TRIM67: variants seen among roughly 807,000 people sequenced by gnomAD.
TRIM67 encodes tripartite motif containing 67, also known as tripartite motif-containing protein 67.
A neutral mutation model predicts 71.0 loss-of-function variants in TRIM67; 39 were observed. That is an observed-to-expected ratio of 0.55 (90% confidence interval 0.43 to 0.72). The LOEUF (loss-of-function observed/expected upper bound fraction) is 0.72. Ranked by LOEUF, TRIM67 falls within the 30% of genes least tolerant of loss-of-function variation. TRIM67 has a pLI of 0.00. For synonymous variants in TRIM67, 481 were observed against 473.9 expected, an observed-to-expected ratio of 1.01 and a Z score of -0.19; for missense variants, 973 against 1,079.2, an observed-to-expected ratio of 0.90 and a Z score of 1.38.
Position 231,216,768 on chromosome 1 carries a change from T to C in TRIM67, c.*1328T>C, listed in dbSNP as rs1454365710. 5.1e-6 allele frequency: 5 copies of C among 985,344 alleles called. No individual in the cohort carries two copies. The highest frequency in any genetic ancestry group is 9.4e-5 in the South Asian group (2 of 21,292). The allele number at this position is 985,344 out of a possible 1,614,324, so 61.0% of individuals were successfully genotyped here. A position where few individuals can be genotyped will look rare whatever the true frequency, so the allele number is the denominator to read the frequency against. ...CCAGGCTTCTCCCTTGAGATCCACA[T>C]TGATTCATCCACACCTCTCAGAGAC... On this transcript the variant is annotated 3_prime_UTR_variant, in exon 10 of 10. Coordinates refer to ENST00000366653, the MANE Select transcript of TRIM67 (RefSeq NM_001004342.5).
chr1:231,184,632 A>C (rs1278786850), intron 1 of TRIM67: 1 of 217,988 alleles, frequency 4.6e-6, no homozygotes, highest in East Asian at 1.3e-4. Context: ...CAGTGGAGAA[A>C]AGGCAACTTC....
chr1:231,208,409 C>T (rs1177875162), intron 7 of TRIM67, among the ~76,000 whole-genome samples: 3 of 151,960 alleles, frequency 2.0e-5, no homozygotes, highest in East Asian at 1.9e-4. Context: ...CTCCTGACCT[C>T]GTGATCCTCC....
chr1:231,190,265 A>G (rs1031892897), intron 1 of TRIM67, among the ~76,000 whole-genome samples: 3 of 152,178 alleles, frequency 2.0e-5, no homozygotes, highest in Non-Finnish European at 4.4e-5. Flanking sequence ...GGCTCCATGT[A>G]GGGGTTCTGA....
chr1:231,210,860 T>C (rs761940619), intron 8 of TRIM67, among the ~76,000 whole-genome samples: 4 of 151,438 alleles, frequency 2.6e-5, no homozygotes, highest in African/African-American at 4.9e-5. Context: ...GGCAACTTAG[T>C]GAGACCCTGT....
chr1:231,206,537 T>C (rs1683702891), intron 6 of TRIM67, 115 bp from the exon 7 acceptor site: 11 of 1,084,202 alleles, frequency 1.0e-5, no homozygotes, highest in Non-Finnish European at 3.8e-6. Context: ...CCTGAGTAGC[T>C]GGGACTACAC....
Position 231,208,969 on chromosome 1 carries a change from C to G in TRIM67, c.1842C>G (p.Pro614=). The change falls in exon 8 of 10, where the codon CCC becomes CCG. Residue 614 remains proline, a synonymous_variant. Coordinates refer to ENST00000366653, the MANE Select transcript of TRIM67 (RefSeq NM_001004342.5). ...TAGTGGCCTGGTTCACATTTGACCCCAACTCTGGGCATCGGGACATCATTT... is the reference window on the plus strand; with the variant it reads ...TAGTGGCCTGGTTCACATTTGACCCGAACTCTGGGCATCGGGACATCATTT... The part of the protein sequence containing the change: ...TSDVAWFTFD[P]NSGHRDIILS... 6.3e-7 allele frequency: 1 copy of G among 1,594,216 alleles called. No individual in the cohort carries two copies. Among genetic ancestry groups the G allele is most frequent in the Non-Finnish European group, 8.6e-7 (1 of 1,165,632 alleles).
chr1:231,220,804 A>C lies in TRIM67; in HGVS notation c.*5364A>C, dbSNP rs1468298588. On this transcript the variant is annotated 3_prime_UTR_variant, in exon 10 of 10. Coordinates refer to ENST00000366653, the MANE Select transcript of TRIM67 (RefSeq NM_001004342.5). ...CCATCGCTCTTCTCTCAAGGAGCAC[A>C]GTCCTGGGAAAGGCCTAGGGACCTG... The C allele has an allele frequency of 2.6e-5, 4 of 152,290 alleles. No individual in the cohort carries two copies. The highest frequency in any genetic ancestry group is 5.9e-5 in the Non-Finnish European group (4 of 68,090). 9.4% of individuals were successfully genotyped at this position (152,290 alleles called of 1,614,324 possible).
intron 1 of TRIM67, among the ~76,000 whole-genome samples, chr1:231,191,040 G>A (rs887978011): frequency 2.6e-5 from 4 of 152,236 alleles, no homozygotes; most frequent in Middle Eastern, 3.4e-3. Context: ...AGTTTAGGCT[G>A]GACGCTAGGG....
At chr1:231,208,861 GA>G in intron 7 of TRIM67, 85 bp from the exon 8 acceptor site, 1 of 1,351,604 alleles carries the variant, frequency 7.4e-7, no homozygotes. Context: ...TAACAGAAGC[GA>G]ATGTGTTTGT....
At chr1:231,177,993 A>G (rs547568778) in intron 1 of TRIM67, among the ~76,000 whole-genome samples, 115 of 152,338 alleles carry the variant, frequency 7.5e-4, no homozygotes, top group African/African-American at 2.7e-3. Flanking sequence ...ATAGAATAGA[A>G]TGATTCATAA....
chr1:231,187,457 G>T, intron 1 of TRIM67: 1 of 1,339,406 alleles, frequency 7.5e-7, no homozygotes, highest in Non-Finnish European at 1.0e-6. Context: ...CAACAGATGA[G>T]GGCATTTTTA....
intron 1 of TRIM67, among the ~76,000 whole-genome samples, chr1:231,195,125 CTT>C: frequency 6.6e-6 from 1 of 152,156 alleles, no homozygotes; most frequent in East Asian, 1.9e-4. Context: ...GGATAAGAGC[CTT>C]TTCTCAGAGA....
At chr1:231,215,004 A>C (rs1274886640) in intron 9 of TRIM67, among the ~76,000 whole-genome samples, 2 of 152,034 alleles carry the variant, frequency 1.3e-5, no homozygotes, top group Non-Finnish European at 2.9e-5. Flanking sequence ...CAGTTAATAG[A>C]ATGGGTTTAA....
At chr1:231,191,127 A>T (rs934261598) in intron 1 of TRIM67, among the ~76,000 whole-genome samples, 3 of 152,170 alleles carry the variant, frequency 2.0e-5, no homozygotes, top group African/African-American at 7.2e-5. Flanking sequence ...GCAGTGGTAC[A>T]ATCAAAGCTC....
At chr1:231,185,493 C>T (rs1305872861) in intron 1 of TRIM67, among the ~76,000 whole-genome samples, 2 of 151,862 alleles carry the variant, frequency 1.3e-5, no homozygotes, top group South Asian at 2.1e-4. Flanking sequence ...GAACAGGCAG[C>T]GAGGGGAGGC....
Position 231,163,235 on chromosome 1 carries a change from G to T in TRIM67, c.266G>T (p.Gly89Val). 1 of 1,500,266 alleles carries T rather than the reference G, an allele frequency of 6.7e-7. No individual in the cohort carries two copies. Among genetic ancestry groups the T allele is most frequent in the East Asian group, 2.8e-5 (1 of 36,186 alleles). 92.9% of individuals were successfully genotyped at this position (1,500,266 alleles called of 1,614,324 possible). ...GGCGGGAGTGCAGCTGGCGGCCTCG[G>T]CGGCGGTGCGGGAGGTGGCGGAGAC... ...GAGGSAAGGL[G>V]GGAGGGGDHA... Residue 89 changes from glycine (G) to valine (V), a missense_variant, in exon 1 of 10, where the codon GGC (glycine) becomes GTC (valine). Gly to Val is a moderately radical substitution (Grantham distance 109). Coordinates refer to ENST00000366653, the MANE Select transcript of TRIM67 (RefSeq NM_001004342.5).
At chr1:231,183,961 C>T (rs1028269281) in intron 1 of TRIM67, 4 of 152,156 alleles carry the variant, frequency 2.6e-5, no homozygotes, top group African/African-American at 7.2e-5. Context: ...GCTCTGATAG[C>T]AGGGATCTGC....
At chr1:231,188,455 G>A (rs1187419510) in intron 1 of TRIM67, among the ~76,000 whole-genome samples, 2 of 152,206 alleles carry the variant, frequency 1.3e-5, no homozygotes, top group Admixed American at 6.5e-5. Context: ...GTCCCCTGGA[G>A]AATAAAGATG....
chr1:231,211,890 A>G (rs1025983713), intron 8 of TRIM67, among the ~76,000 whole-genome samples: 1 of 152,192 alleles, frequency 6.6e-6, no homozygotes, highest in African/African-American at 2.4e-5. Flanking sequence ...CATGGGCAAC[A>G]TAGTGAGGCC....
Sources: gnomAD v4.1 joint callset for allele counts (sites outside exome capture counted in the v4.1 genomes callset) on GRCh38, gnomAD v4.1.1 for gene constraint, MANE v1.5 for transcripts, NCBI Gene and HGNC (gene_info 2026-07-23, HGNC 2026-07-21) for gene names.